SLC16A10: variants seen among roughly 807,000 people sequenced by gnomAD.
SLC16A10 encodes solute carrier family 16 member 10.
In SLC16A10, 27 loss-of-function variants were observed where a neutral mutation model predicts 40.0. The ratio of observed to expected loss-of-function variants is 0.67; its 90% confidence interval spans 0.50 to 0.93. The LOEUF is 0.93. SLC16A10 is among the 40% of genes least tolerant of loss of function. SLC16A10 has a pLI of 0.00. For synonymous variants in SLC16A10, 213 were observed against 249.8 expected (o/e 0.85, Z 1.39); for missense variants, 529 against 658.2 (o/e 0.80, Z 2.15).
At chr6:111,124,522 C>A (rs888665503) in intron 1 of SLC16A10, among the ~76,000 whole-genome samples, 11 of 151,982 alleles carry the variant, frequency 7.2e-5, no homozygotes, top group Admixed American at 6.6e-5. Context: ...ACCACCACAC[C>A]CAGCTAATTT....
chr6:111,172,989 C>T (rs1360703070), intron 2 of SLC16A10, 150 bp downstream of exon 2: 29 of 987,124 alleles, frequency 2.9e-5, no homozygotes, highest in Non-Finnish European at 3.2e-5. Flanking sequence ...AACTGTTATC[C>T]ATAGCAGCAA....
At chr6:111,185,431 AGCAT>A in intron 3 of SLC16A10, among the ~76,000 whole-genome samples, 1 of 152,332 alleles carries the variant, frequency 6.6e-6, no homozygotes, top group South Asian at 2.1e-4. Flanking sequence ...CAGCACTCAG[AGCAT>A]GCTTCACAGC....
intron 1 of SLC16A10, among the ~76,000 whole-genome samples, chr6:111,144,077 G>A (rs1364333136): frequency 6.6e-6 from 1 of 152,020 alleles, no homozygotes; most frequent in Non-Finnish European, 1.5e-5. Context: ...CAATGCATGT[G>A]TTGGGGCAGG....
intron 3 of SLC16A10, among the ~76,000 whole-genome samples, chr6:111,204,390 T>C (rs927164215): frequency 2.0e-5 from 3 of 152,146 alleles, no homozygotes; most frequent in Non-Finnish European, 2.9e-5. Context: ...CTGTTGACTT[T>C]GAGGTGCCTT....
chr6:111,169,400 GT>G (rs1772541476), intron 1 of SLC16A10, among the ~76,000 whole-genome samples: 1 of 152,230 alleles, frequency 6.6e-6, no homozygotes, highest in South Asian at 2.1e-4. Context: ...ACCCATGAAA[GT>G]GCATCTGAGA....
At chr6:111,142,917 A>G (rs1772009776) in intron 1 of SLC16A10, among the ~76,000 whole-genome samples, 1 of 152,274 alleles carries the variant, frequency 6.6e-6, no homozygotes. Flanking sequence ...ACCTGCACAT[A>G]GTTGCTTACA....
chr6:111,215,821 A>G (rs1773412879), intron 4 of SLC16A10, among the ~76,000 whole-genome samples: 1 of 152,216 alleles, frequency 6.6e-6, no homozygotes, highest in Non-Finnish European at 1.5e-5. Flanking sequence ...CCTGGGCAAC[A>G]TAGTAAGACC....
chr6:111,171,756 C>T (rs1041842928), intron 1 of SLC16A10, among the ~76,000 whole-genome samples: 6 of 141,772 alleles, frequency 4.2e-5, no homozygotes, highest in African/African-American at 1.6e-4. Context: ...GTCGAGATCA[C>T]AGTGAGCTGA....
intron 5 of SLC16A10, among the ~76,000 whole-genome samples, chr6:111,220,351 C>T (rs1259431100): frequency 6.6e-6 from 1 of 152,124 alleles, no homozygotes; most frequent in Non-Finnish European, 1.5e-5. Context: ...ATGTGAATTC[C>T]ACCTCTAGAA....
chr6:111,174,998 C>T (rs76936564), intron 2 of SLC16A10, among the ~76,000 whole-genome samples: 5 of 152,064 alleles, frequency 3.3e-5, no homozygotes, highest in African/African-American at 9.7e-5. Flanking sequence ...TATTAAATTT[C>T]GTTATTTAGC....
intron 1 of SLC16A10, among the ~76,000 whole-genome samples, chr6:111,090,126 C>A (rs1411422381): frequency 6.6e-6 from 1 of 151,758 alleles, no homozygotes; most frequent in Non-Finnish European, 1.5e-5. Context: ...CTCTGTGGAA[C>A]TTTGTGTTTT....
At chr6:111,125,796 C>T (rs1424761670) in intron 1 of SLC16A10, among the ~76,000 whole-genome samples, 2 of 152,066 alleles carry the variant, frequency 1.3e-5, no homozygotes, top group Non-Finnish European at 2.9e-5. Context: ...TCTAACTTGG[C>T]CAACAGGTAG....
chr6:111,141,423 G>A (rs1035567191), intron 1 of SLC16A10, among the ~76,000 whole-genome samples: 1 of 152,198 alleles, frequency 6.6e-6, no homozygotes, highest in Non-Finnish European at 1.5e-5. Flanking sequence ...AGCACTTTGG[G>A]AGGCCAAGGC....
chr6:111,107,923 A>G (rs1771313290), intron 1 of SLC16A10, among the ~76,000 whole-genome samples: 1 of 152,172 alleles, frequency 6.6e-6, no homozygotes, highest in African/African-American at 2.4e-5. Flanking sequence ...TTTACCAGAG[A>G]GTCCTTCTCC....
chr6:111,125,828 A>G (rs1193135393), intron 1 of SLC16A10, among the ~76,000 whole-genome samples: 2 of 152,140 alleles, frequency 1.3e-5, no homozygotes, highest in Non-Finnish European at 2.9e-5. Flanking sequence ...TATTATCTTC[A>G]TTGTACAGAT....
intron 1 of SLC16A10, among the ~76,000 whole-genome samples, chr6:111,144,930 T>C (rs888108328): frequency 1.3e-5 from 2 of 152,108 alleles, no homozygotes; most frequent in African/African-American, 4.8e-5. Flanking sequence ...TAGGCTCAAG[T>C]GATCCTCCAG....
At chr6:111,168,155 T>C (rs536211182) in intron 1 of SLC16A10, among the ~76,000 whole-genome samples, 1 of 152,102 alleles carries the variant, frequency 6.6e-6, no homozygotes, top group Non-Finnish European at 1.5e-5. Context: ...AATTTTTGTA[T>C]TTTTAGTAGA....
chr6:111,178,624 G>A, intron 3 of SLC16A10: 1 of 222,296 alleles, frequency 4.5e-6, no homozygotes, highest in Non-Finnish European at 8.9e-6. Context: ...GTTCAAAAGT[G>A]TTCATTATGT....
intron 1 of SLC16A10, among the ~76,000 whole-genome samples, chr6:111,112,277 C>T (rs370917943): frequency 6.6e-6 from 1 of 152,130 alleles, no homozygotes; most frequent in Non-Finnish European, 1.5e-5. Flanking sequence ...TCAAGCAGTC[C>T]TCCTGCCTTG....
Sources: allele counts gnomAD v4.1 joint callset (sites outside exome capture counted in the v4.1 genomes callset), GRCh38; gene constraint gnomAD v4.1.1; transcripts MANE v1.5; gene names NCBI Gene and HGNC (gene_info 2026-07-23, HGNC 2026-07-21).